EMG1: variants seen among roughly 807,000 people sequenced by gnomAD.
EMG1 encodes the protein EMG1 N1-specific pseudouridine methyltransferase, also known as ribosomal RNA small subunit methyltransferase NEP1.
A neutral mutation model predicts 26.9 loss-of-function variants in EMG1; 24 were observed. The observed-to-expected ratio is 0.89, with a 90% CI of 0.65 to 1.26. EMG1 has a LOEUF of 1.26. Among genes scored for constraint, EMG1 ranks in the 50% most tolerant of loss-of-function variants. The pLI is 0.00. For missense variants in EMG1, 299 were observed against 307.6 expected (o/e 0.97, Z 0.21); for synonymous variants, 140 against 112.6 (o/e 1.24, Z -1.54).
rs781899211 is a variant in EMG1 at position 6,975,572 on chromosome 12, G to A, written c.622-124G>A. On this transcript the variant is annotated intron_variant, in intron 5 of 5. Coordinates refer to ENST00000599672, the MANE Select transcript of EMG1 (RefSeq NM_006331.8). ...ACAGTTAGGACCTTCTTCATCCTTT[G>A]TAGGGATTTGATATTCAACAGCACA... 1.1e-5 allele frequency: 11 copies of A among 967,174 alleles called. No homozygotes were observed. The East Asian group carries it at 2.4e-4, about 21-fold the overall frequency. 59.9% of individuals were successfully genotyped at this position (967,174 alleles called of 1,614,324 possible). A position where few individuals can be genotyped will look rare whatever the true frequency, so the allele number is the denominator to read the frequency against.
In EMG1 at chr12:6,977,223, G is replaced by A. The variant is rs371126597; in HGVS notation, c.*1414G>A. On this transcript the variant is annotated 3_prime_UTR_variant, in exon 6 of 6. Transcript: ENST00000599672. The surrounding 1 kb of genome is among the most constrained non-coding windows in gnomAD (Gnocchi z 4.5). ...TAAGGCAATATGAATAGTAGGCTCA[G>A]GAAGAAGATGTGGCCAAGGAAATAG... 16 of 1,614,024 alleles carry A rather than the reference G, an allele frequency of 9.9e-6. No homozygotes were observed. Among genetic ancestry groups the A allele is most frequent in the East Asian group, 8.9e-5 (4 of 44,888 alleles).
chr12:6,979,235 A>G lies in EMG1; in HGVS notation c.*3426A>G, dbSNP rs1429536703. 1.8e-6 allele frequency: 1 copy of G among 550,710 alleles called. No individual in the cohort carries two copies. 34.1% of individuals were successfully genotyped at this position (550,710 alleles called of 1,614,324 possible). ...GGCAAGCTAGGAGCGGCTCCTAGAG[A>G]AGGCAACGGGTGCTAAATGTGCACC... On this transcript the variant is annotated 3_prime_UTR_variant, in exon 6 of 6. Coordinates refer to ENST00000599672, the MANE Select transcript of EMG1 (RefSeq NM_006331.8).
downstream of EMG1, among the ~76,000 whole-genome samples, chr12:6,989,632 A>G (rs1946568723): frequency 6.6e-6 from 1 of 152,016 alleles, no homozygotes; most frequent in African/African-American, 2.4e-5. Flanking sequence ...GCTGGGATAC[A>G]TTTAATTTGT....
At position 6,976,242 on chromosome 12, in the gene EMG1, T is replaced by A. The variant is rs1255766816; in HGVS notation, c.*433T>A. 6.4e-6 allele frequency: 1 copy of A among 156,936 alleles called. No homozygotes were observed. Among genetic ancestry groups the A allele is most frequent in the African/African-American group, 2.4e-5 (1 of 41,478 alleles). 9.7% of individuals were successfully genotyped at this position (156,936 alleles called of 1,614,324 possible). A position where few individuals can be genotyped will look rare whatever the true frequency, so the allele number is the denominator to read the frequency against. On this transcript the variant is annotated 3_prime_UTR_variant, in exon 6 of 6. Transcript: ENST00000599672. ...TAATACAGTTCCAAGGTAGAAAAAGTGGAGCAGGCAGGGCCTTGCACCCCT... is the reference window on the plus strand; with the variant it reads ...TAATACAGTTCCAAGGTAGAAAAAGAGGAGCAGGCAGGGCCTTGCACCCCT...
downstream of EMG1, among the ~76,000 whole-genome samples, chr12:6,990,916 C>CAA (rs59031613): frequency 0.094 from 6,390 of 68,058 alleles, 227 homozygotes; most frequent in Non-Finnish European, 0.14. Flanking sequence ...GACTCCAAAT[C>CAA]AAAAAAAAAA....
Position 6,978,728 on chromosome 12 carries a change from T to C in EMG1, c.*2919T>C. The C allele has an allele frequency of 6.2e-7, 1 of 1,609,362 alleles. No individual in the cohort carries two copies. The highest frequency in any genetic ancestry group is 8.5e-7 in the Non-Finnish European group (1 of 1,177,496). Reference sequence around the variant, plus strand: ...AGCACAGTGCATTAGGGATATCACATGACTAGGCAGTTTCTCTCAGCACTC... The same window carrying C: ...AGCACAGTGCATTAGGGATATCACACGACTAGGCAGTTTCTCTCAGCACTC... On this transcript the variant is annotated 3_prime_UTR_variant, in exon 6 of 6. Coordinates refer to ENST00000599672, the MANE Select transcript of EMG1 (RefSeq NM_006331.8).
chr12:6,988,344 C>T (rs1161453252), downstream of EMG1: 2 of 152,274 alleles, frequency 1.3e-5, no homozygotes, highest in African/African-American at 2.4e-5. Context: ...AGCAAGCCGC[C>T]GTGGAGAAGG....
At chr12:6,974,191 T>A (rs1473223432) in intron 1 of EMG1, 148 bp from the exon 2 acceptor site, 2 of 636,068 alleles carry the variant, frequency 3.1e-6, no homozygotes, top group Non-Finnish European at 5.7e-6. Flanking sequence ...GTGTTCCTGG[T>A]TTAGTAGGTC....
Position 6,974,376 on chromosome 12 carries a change from A to T in EMG1, c.206A>T (p.His69Leu). Residue 69 changes from histidine (H) to leucine (L), a missense_variant, in exon 2 of 6, where the codon CAC (histidine) becomes CTC (leucine). Transcript: ENST00000599672. The stretch of plus-strand genomic sequence containing the variant: ...TATGAGCTACTCAACTGTGACAAGC[A>T]CAAGTCTATATTGTTGAAGAATGGA... ...KTYELLNCDK[H>L]KSILLKNGRD... 6.2e-7 allele frequency: 1 copy of T among 1,613,792 alleles called. No homozygotes were observed.
downstream of EMG1, chr12:6,981,728 CGGAGGGGG>C: frequency 5.6e-6 from 1 of 177,408 alleles, no homozygotes; most frequent in Non-Finnish European, 1.1e-5. Context: ...TGGCGGGGGG[CGGAGGGGG>C]GGTGCCGAGG....
intron 7 of EMG1, chr12:6,997,136 G>A (rs1946643292): frequency 6.6e-6 from 1 of 152,106 alleles, no homozygotes; most frequent in South Asian, 2.1e-4. Flanking sequence ...GAAGAATTTT[G>A]AAAAACTGTA....
At chr12:6,973,020 T>G (rs914742266) in intron 1 of EMG1, among the ~76,000 whole-genome samples, 10 of 151,574 alleles carry the variant, frequency 6.6e-5, no homozygotes, top group East Asian at 5.8e-4. Flanking sequence ...TTTTTTTTTT[T>G]TGTGAGACAG....
chr12:6,975,621 G>GTTT (rs1946387002), intron 5 of EMG1, 75 bp from the exon 6 acceptor site: 2 of 1,108,296 alleles, frequency 1.8e-6, no homozygotes, highest in African/African-American at 3.1e-5. Context: ...CTCAGCCATA[G>GTTT]TTTTCCTGCC....
At position 6,987,830 on chromosome 12, in the gene EMG1, C is replaced by T. The variant is rs1221219042; in HGVS notation, c.*203C>T. 7.5e-6 allele frequency: 3 copies of T among 400,548 alleles called. No homozygotes were observed. The highest frequency in any genetic ancestry group is 8.8e-6 in the Non-Finnish European group (2 of 226,222). 24.8% of individuals were successfully genotyped at this position (400,548 alleles called of 1,614,324 possible). A position where few individuals can be genotyped will look rare whatever the true frequency, so the allele number is the denominator to read the frequency against. ...GAGTAAAGTCATGATGGCTTTATGACGTTCTGAGGTATGTGAAATTGTCTG... is the reference window on the plus strand; with the variant it reads ...GAGTAAAGTCATGATGGCTTTATGATGTTCTGAGGTATGTGAAATTGTCTG... On this transcript the variant is annotated 3_prime_UTR_variant and NMD_transcript_variant, in exon 7 of 8. Transcript: ENST00000261406. This position sits in a 1 kb window ranked among gnomAD's most constrained non-coding sequence, Gnocchi z 4.1.
chr12:6,975,408 T>C lies in EMG1; in HGVS notation c.621+30T>C, dbSNP rs369022878. 39 of 1,561,126 alleles carry C rather than the reference T, an allele frequency of 2.5e-5. No homozygotes were observed. The African/African-American group carries it at 4.4e-4, about 17-fold the overall frequency. On this transcript the variant is annotated intron_variant, in intron 5 of 5. Coordinates refer to ENST00000599672, the MANE Select transcript of EMG1 (RefSeq NM_006331.8). The stretch of plus-strand genomic sequence containing the variant: ...GGTCTGGGCTCAACCCTGAAATTCT[T>C]GGTAGAGCTGAACTTAGTATAGAAT...
chr12:6,985,584 G>T (rs781942960), intron 6 of EMG1, among the ~76,000 whole-genome samples: 1 of 150,864 alleles, frequency 6.6e-6, no homozygotes, highest in Non-Finnish European at 1.5e-5. Flanking sequence ...GTGTGGTGGC[G>T]GGTGCCTGTA....
downstream of EMG1, chr12:6,983,581 G>A: frequency 7.7e-7 from 1 of 1,296,622 alleles, no homozygotes; most frequent in Non-Finnish European, 1.1e-6. Flanking sequence ...TTTGTGCCTG[G>A]TGCCATCCCA....
chr12:6,982,231 G>T (rs1000224637), downstream of EMG1, among the ~76,000 whole-genome samples: 3 of 152,080 alleles, frequency 2.0e-5, no homozygotes, highest in Non-Finnish European at 4.4e-5. Context: ...TAGAGATGGG[G>T]TTTCACCATG....
At chr12:6,982,813 T>C (rs782570379), downstream of EMG1, 8 of 1,422,748 alleles carry the variant, frequency 5.6e-6, no homozygotes, top group Non-Finnish European at 7.9e-6. Context: ...TTTAGCCTGG[T>C]TTTTACACTC....
Sources: allele counts gnomAD v4.1 joint callset (sites outside exome capture counted in the v4.1 genomes callset), GRCh38; gene constraint gnomAD v4.1.1; non-coding constraint Gnocchi (gnomAD v3.1); transcripts MANE v1.5; gene names NCBI Gene and HGNC (gene_info 2026-07-23, HGNC 2026-07-21).